DCLK2: variants seen among roughly 807,000 people sequenced by gnomAD.
DCLK2 encodes the protein serine/threonine-protein kinase DCLK2.
Under a neutral mutation model 78.4 loss-of-function variants are expected in DCLK2, and 31 were observed. The ratio of observed to expected loss-of-function variants is 0.40; its 90% confidence interval spans 0.30 to 0.53. DCLK2 has a LOEUF of 0.53. Among genes scored for constraint, DCLK2 ranks in the 20% least tolerant of loss-of-function variants. The probability of loss-of-function intolerance (pLI) is 0.61; values close to 1 mark genes in which losing one functional copy is unlikely to be tolerated. For missense variants in DCLK2, 872 were observed against 973.7 expected (o/e 0.90, Z 1.39); for synonymous variants, 407 against 374.9 (o/e 1.09, Z -0.99).
At chr4:150,249,511 A>G in intron 14 of DCLK2, 57 bp from the exon 15 acceptor site, 2 of 1,500,790 alleles carry the variant, frequency 1.3e-6, no homozygotes, top group East Asian at 2.3e-5. Flanking sequence ...TAAGGAAAAG[A>G]CAACTCAAAC....
chr4:150,240,406 C>G lies in DCLK2; in HGVS notation c.1708C>G (p.Leu570Val). Residue 570 changes from leucine (L) to valine (V), a missense_variant, in exon 12 of 16, where the codon CTG becomes GTG. Leu to Val is a conservative substitution (Grantham distance 32). Coordinates refer to ENST00000296550, the MANE Select transcript of DCLK2 (RefSeq NM_001040260.4). ...CCCACTTTGTTTTCCTAGCTATGGC[C>G]TGAAGGTGGACATTTGGGCAGCTGG... ...PEIIAETGYG[L>V]KVDIWAAGVI... is the part of the protein sequence containing the mutation. The G allele has an allele frequency of 6.2e-7, 1 of 1,613,754 alleles. No individual in the cohort carries two copies. The highest frequency in any genetic ancestry group is 8.5e-7 in the Non-Finnish European group (1 of 1,179,822).
chr4:150,104,385 C>T (rs192551717), intron 2 of DCLK2, among the ~76,000 whole-genome samples: 770 of 23,532 alleles, frequency 0.033, 54 homozygotes, highest in Non-Finnish European at 0.012. Flanking sequence ...CAAAAAAGAC[C>T]ACATCTCCTA....
intron 1 of DCLK2, among the ~76,000 whole-genome samples, chr4:150,086,017 T>C (rs973436681): frequency 2.0e-5 from 3 of 152,202 alleles, no homozygotes; most frequent in Admixed American, 2.0e-4. Flanking sequence ...CAGATGTAGT[T>C]ACCCAGATTT....
intron 2 of DCLK2, among the ~76,000 whole-genome samples, chr4:150,165,431 G>T (rs962522530): frequency 6.6e-6 from 1 of 152,132 alleles, no homozygotes; most frequent in South Asian, 2.1e-4. Flanking sequence ...CATGAAGTTG[G>T]TTAGATTGGA....
In DCLK2 at chr4:150,240,559, G is replaced by A. The variant is rs1270767009; in HGVS notation, c.1778+83G>A. 2.2e-5 allele frequency: 25 copies of A among 1,133,844 alleles called. No homozygotes were observed. In the South Asian group the frequency reaches 2.6e-4, roughly 12 times the overall value. 70.2% of individuals were successfully genotyped at this position (1,133,844 alleles called of 1,614,324 possible). On this transcript the variant is annotated intron_variant, in intron 12 of 15. Transcript: ENST00000296550. The stretch of plus-strand genomic sequence containing the variant: ...AGCAGGTACTTTGCTCCTGGAAGTC[G>A]GGACTGTTTGGTCATTAAAAATGCC...
intron 8 of DCLK2, among the ~76,000 whole-genome samples, chr4:150,227,536 G>A (rs1008346976): frequency 6.6e-5 from 10 of 152,188 alleles, no homozygotes; most frequent in African/African-American, 2.4e-4. Context: ...GGTCTACCAG[G>A]TGGTGAGAAC....
At chr4:150,149,141 C>T (rs1443139852) in intron 2 of DCLK2, among the ~76,000 whole-genome samples, 1 of 151,566 alleles carries the variant, frequency 6.6e-6, no homozygotes, top group Non-Finnish European at 1.5e-5. Context: ...TACCTGTGAA[C>T]CAATCTGAGG....
chr4:150,209,580 G>A (rs1482034684), intron 5 of DCLK2: 1 of 152,204 alleles, frequency 6.6e-6, no homozygotes, highest in Non-Finnish European at 1.5e-5. Flanking sequence ...TATTAAGGTG[G>A]GAATGGTGCC....
chr4:150,253,929 G>GT, intron 15 of DCLK2: 1 of 981,444 alleles, frequency 1.0e-6, no homozygotes, highest in Non-Finnish European at 1.2e-6. Flanking sequence ...AGATGAGTTT[G>GT]TATCAGTAAG....
intron 2 of DCLK2, among the ~76,000 whole-genome samples, chr4:150,130,798 A>G (rs1733259904): frequency 6.6e-6 from 1 of 152,046 alleles, no homozygotes; most frequent in Non-Finnish European, 1.5e-5. Context: ...ATCCAGACTG[A>G]AAGCAAGATC....
chr4:150,199,139 C>T (rs754256685), intron 4 of DCLK2: 5 of 1,444,918 alleles, frequency 3.5e-6, no homozygotes, highest in African/African-American at 1.4e-5. Context: ...TTTTTTGCCA[C>T]TTTTCTGTTT....
intron 2 of DCLK2, among the ~76,000 whole-genome samples, chr4:150,121,032 T>C (rs1244642162): frequency 1.3e-5 from 2 of 152,020 alleles, no homozygotes; most frequent in Non-Finnish European, 2.9e-5. Context: ...GACTGCGCTA[T>C]TGCACTCCAG....
chr4:150,224,114 A>G (rs2126540825), intron 7 of DCLK2, among the ~76,000 whole-genome samples: 1 of 152,302 alleles, frequency 6.6e-6, no homozygotes, highest in African/African-American at 2.4e-5. Context: ...TCTTAATATT[A>G]TAGTTAATAT....
chr4:150,175,032 ATTTATATATATTTATATATT>A (rs1560834609), intron 2 of DCLK2, among the ~76,000 whole-genome samples: 7 of 46,746 alleles, frequency 1.5e-4, no homozygotes, highest in Admixed American at 3.1e-4. Flanking sequence ...ATATATATAT[ATTTATATATATTTATATATT>A]TATATATATA....
intron 8 of DCLK2, among the ~76,000 whole-genome samples, chr4:150,228,807 A>G (rs906085931): frequency 6.7e-6 from 1 of 149,586 alleles, no homozygotes; most frequent in Non-Finnish European, 1.5e-5. Flanking sequence ...CGGGTGGATC[A>G]TGAGGTCAGG....
intron 3 of DCLK2, among the ~76,000 whole-genome samples, chr4:150,197,422 A>C (rs551340327): frequency 6.6e-6 from 1 of 152,308 alleles, no homozygotes; most frequent in South Asian, 2.1e-4. Flanking sequence ...TTCTGTACTT[A>C]ATTAGCTCCA....
intron 5 of DCLK2, among the ~76,000 whole-genome samples, chr4:150,208,923 C>T (rs897801357): frequency 1.3e-5 from 2 of 152,076 alleles, no homozygotes; most frequent in Admixed American, 1.3e-4. Context: ...ATTAGCATAT[C>T]CAGATTCAGC....
intron 8 of DCLK2, among the ~76,000 whole-genome samples, chr4:150,229,475 C>G (rs1313821221): frequency 1.3e-5 from 2 of 152,118 alleles, no homozygotes; most frequent in Non-Finnish European, 2.9e-5. Context: ...GTATATTATC[C>G]ACCCGAAAGG....
intron 15 of DCLK2, chr4:150,253,609 G>T: frequency 7.8e-7 from 1 of 1,284,792 alleles, no homozygotes; most frequent in Non-Finnish European, 1.0e-6. Flanking sequence ...CCCCTCTCAC[G>T]CCTGCATGCT....
Sources: gnomAD v4.1 joint callset for allele counts (sites outside exome capture counted in the v4.1 genomes callset) on GRCh38, gnomAD v4.1.1 for gene constraint, MANE v1.5 for transcripts, NCBI Gene and HGNC (gene_info 2026-07-23, HGNC 2026-07-21) for gene names.